Variants in DUSP22 observed in about 807,000 individuals in gnomAD.
DUSP22 encodes the protein dual specificity protein phosphatase 22.
A neutral mutation model predicts 24.5 loss-of-function variants in DUSP22; 24 were observed. The ratio of observed to expected loss-of-function variants is 0.98; its 90% CI spans 0.71 to 1.38. DUSP22 has a LOEUF of 1.38. Ranked by LOEUF, DUSP22 falls within the 40% of genes most tolerant of loss-of-function variation. The pLI is 0.00. For synonymous variants in DUSP22, 160 were observed against 106.4 expected (o/e 1.50, Z -3.10); for missense variants, 330 against 269.2 (o/e 1.23, Z -1.58).
chr6:306,011 A>G (rs1442422051), intron 2 of DUSP22, among the ~76,000 whole-genome samples: 1 of 152,308 alleles, frequency 6.6e-6, no homozygotes, highest in East Asian at 1.9e-4. Context: ...AAGAGAATTG[A>G]GCACAGAGAG....
intron 3 of DUSP22, among the ~76,000 whole-genome samples, chr6:323,231 C>A (rs815568): frequency 2.2e-5 from 3 of 137,284 alleles, no homozygotes; most frequent in African/African-American, 8.2e-5. Flanking sequence ...GTTTTAAAGG[C>A]GTGTGTGCAT....
intron 4 of DUSP22, among the ~76,000 whole-genome samples, chr6:335,706 A>G (rs557298037): frequency 6.6e-6 from 1 of 152,306 alleles, no homozygotes; most frequent in Non-Finnish European, 1.5e-5. Flanking sequence ...CTTCTTTCAT[A>G]CGAAGTCTGG....
chr6:341,295 A>G (rs1275317858), intron 4 of DUSP22, among the ~76,000 whole-genome samples: 4 of 152,308 alleles, frequency 2.6e-5, no homozygotes, highest in African/African-American at 7.2e-5. Flanking sequence ...GGAGAGCAGG[A>G]ACAGGGAACT....
At chr6:348,503 C>T (rs896895201) in intron 6 of DUSP22, 3 of 860,700 alleles carry the variant, frequency 3.5e-6, no homozygotes, top group Non-Finnish European at 5.3e-6. Flanking sequence ...CCTGGTACTC[C>T]CTACTAGTTT....
At chr6:337,516 T>C (rs1004152782) in intron 4 of DUSP22, among the ~76,000 whole-genome samples, 20 of 152,418 alleles carry the variant, frequency 1.3e-4, no homozygotes, top group African/African-American at 4.3e-4. Flanking sequence ...GACAGAGATA[T>C]GCCAGCTTCT....
At chr6:292,926 C>G (rs1301585823) in intron 1 of DUSP22, among the ~76,000 whole-genome samples, 1 of 152,264 alleles carries the variant, frequency 6.6e-6, no homozygotes, top group Admixed American at 6.5e-5. Context: ...AAACTACGCT[C>G]TTGAAGCCAC....
At chr6:292,993 C>T (rs947657302) in intron 1 of DUSP22, among the ~76,000 whole-genome samples, 19 of 152,396 alleles carry the variant, frequency 1.2e-4, no homozygotes, top group African/African-American at 4.6e-4. Flanking sequence ...CCTCTTTCTC[C>T]TCAGATTCTG....
intron 3 of DUSP22, among the ~76,000 whole-genome samples, chr6:333,772 C>A (rs750960885): frequency 2.8e-4 from 43 of 152,274 alleles, no homozygotes; most frequent in Non-Finnish European, 7.3e-5. Context: ...GCTCTGCCCC[C>A]GCCCTGCGCC....
intron 1 of DUSP22, among the ~76,000 whole-genome samples, chr6:300,514 A>G (rs547206777): frequency 3.3e-5 from 5 of 152,414 alleles, no homozygotes; most frequent in African/African-American, 1.2e-4. Context: ...GGAGACGCTA[A>G]GAAGCTGAGC....
chr6:305,279 G>A (rs2127393735), intron 2 of DUSP22, among the ~76,000 whole-genome samples: 1 of 152,422 alleles, frequency 6.6e-6, no homozygotes, highest in East Asian at 1.9e-4. Context: ...ATCACCTGAT[G>A]GAGTGATGTG....
chr6:304,774 C>T, intron 2 of DUSP22, 113 bp downstream of exon 2: 1 of 1,427,356 alleles, frequency 7.0e-7, no homozygotes, highest in Non-Finnish European at 9.9e-7. Flanking sequence ...CATTGCTGTG[C>T]AGCCATCACC....
At chr6:348,414 G>A (rs1444584567) in intron 6 of DUSP22, 140 bp downstream of exon 6, 5 of 1,377,962 alleles carry the variant, frequency 3.6e-6, no homozygotes, top group Non-Finnish European at 4.9e-6. Context: ...GCGCCCAGCT[G>A]CACCCCTTCA....
rs1392849898 is a variant in DUSP22 at position 314,009 on chromosome 6, G to A, written c.138+2047G>A. Among the ~76,000 whole-genome samples, 4 of 152,304 alleles carry A rather than the reference G, an allele frequency of 2.6e-5. No homozygotes were observed. In the East Asian group the frequency reaches 7.7e-4, roughly 29 times the overall value. On this transcript the variant is annotated intron_variant, in intron 3 of 6. Coordinates refer to ENST00000419235, the MANE Select transcript of DUSP22 (RefSeq NM_001286555.3). Reference sequence around the variant, plus strand: ...CATAAGCTGTGTCCTCACGCAGCCTGAGATGAGTCAGGGAAATGATGTGTT... The same window carrying A: ...CATAAGCTGTGTCCTCACGCAGCCTAAGATGAGTCAGGGAAATGATGTGTT...
chr6:324,012 G>T (rs1470325780), intron 3 of DUSP22, among the ~76,000 whole-genome samples: 2 of 152,304 alleles, frequency 1.3e-5, no homozygotes, highest in African/African-American at 2.4e-5. Flanking sequence ...CTCATAACTA[G>T]CAAAGGAAGA....
intron 4 of DUSP22, among the ~76,000 whole-genome samples, chr6:343,721 A>G (rs1759726195): frequency 6.6e-6 from 1 of 152,306 alleles, no homozygotes. Flanking sequence ...ATGCACATGG[A>G]CAGTTGCTGC....
Position 302,333 on chromosome 6 carries a change from C to T in DUSP22, c.22-2295C>T, listed in dbSNP as rs1371491651. 2.6e-5 allele frequency among the ~76,000 whole-genome samples: 4 copies of T among 152,310 alleles called. No individual in the cohort carries two copies. The East Asian group carries it at 7.7e-4, about 29-fold the overall frequency. On this transcript the variant is annotated intron_variant, in intron 1 of 6. Coordinates refer to ENST00000419235, the MANE Select transcript of DUSP22 (RefSeq NM_001286555.3). ...GAGTCTGGATAGTGGCCAGTGGCCA[C>T]AGTGTCTGCTGTGCAGGACCAGCTC...
chr6:325,807 G>GTAATTA (rs1370794092), intron 3 of DUSP22: 1 of 205,494 alleles, frequency 4.9e-6, no homozygotes. Flanking sequence ...GTATCTGCTG[G>GTAATTA]TGCCTGGAGA....
Position 348,859 on chromosome 6 carries a change from G to A in DUSP22, c.526G>A (p.Gly176Arg), listed in dbSNP as rs1287176979. The change falls in exon 7 of 7, where the codon GGG becomes AGG. Residue 176 changes from glycine to arginine, a missense_variant. Transcript: ENST00000419235. ...KNILGKYKEQ[G>R]RTEPQPGARR... ...CATTCTGGGTAAATATAAGGAGCAA[G>A]GGCGCACAGAGCCCCAGCCCGGCGC... 1.2e-6 allele frequency: 2 copies of A among 1,614,192 alleles called. No homozygotes were observed. The highest frequency in any genetic ancestry group is 2.2e-5 in the East Asian group (1 of 44,908).
chr6:304,019 CCCATTGTTGA>C, intron 1 of DUSP22, among the ~76,000 whole-genome samples: 1 of 152,300 alleles, frequency 6.6e-6, no homozygotes, highest in East Asian at 1.9e-4. Flanking sequence ...TATTTAACAA[CCCATTGTTGA>C]CTGTCATCCT....
Sources: allele counts gnomAD v4.1 joint callset (sites outside exome capture counted in the v4.1 genomes callset), GRCh38; gene constraint gnomAD v4.1.1; transcripts MANE v1.5; gene names NCBI Gene and HGNC (gene_info 2026-07-23, HGNC 2026-07-21).